The following KAZN variants were observed in gnomAD, a reference collection of about 807,000 sequenced individuals.
KAZN encodes kazrin.
In KAZN, 40 loss-of-function variants were observed where a neutral mutation model predicts 87.4. That is an observed-to-expected ratio of 0.46 (90% CI 0.36 to 0.60). KAZN has a LOEUF of 0.60. Ranked by LOEUF, KAZN falls within the 20% of genes least tolerant of loss-of-function variation. KAZN has a pLI of 0.00. For missense variants in KAZN, 898 were observed against 1,073.9 expected (o/e 0.84, Z 2.29); for synonymous variants, 466 against 458.3 (o/e 1.02, Z -0.22).
Position 14,103,569 on chromosome 1 carries a change from G to A in KAZN, c.92-76866G>A, listed in dbSNP as rs1570744979. 3.3e-5 allele frequency among the ~76,000 whole-genome samples: 5 copies of A among 152,256 alleles called. No individual in the cohort carries two copies. In the South Asian group the frequency reaches 1.0e-3, roughly 32 times the overall value. ...AGAGTCTGTTTTCTTGCCTTTTCCA[G>A]CCTCTAGTGATGCCCATCCTTATCT... On this transcript the variant is annotated intron_variant, in intron 1 of 16. Coordinates refer to the KAZN transcript ENST00000636203.
At chr1:14,178,997 C>A (rs868575476) in intron 1 of KAZN, among the ~76,000 whole-genome samples, 10 of 152,174 alleles carry the variant, frequency 6.6e-5, no homozygotes, top group African/African-American at 2.4e-4. Context: ...AATTCCTCCT[C>A]TTTGGCTGGT....
rs79818419 is a variant in KAZN at position 14,165,797 on chromosome 1, G to A, written c.92-14638G>A. Among the ~76,000 whole-genome samples the A allele has an allele frequency of 7.0e-3, 1,070 of 152,270 alleles. 8 individuals are homozygous for A. The highest frequency in any genetic ancestry group is 0.024 in the African/African-American group (979 of 41,556). On this transcript the variant is annotated intron_variant, in intron 1 of 16. Coordinates refer to the KAZN transcript ENST00000636203. ...GACTACAGTGTTCAAATAGCTTCAT[G>A]TCTTAGGGGCAAACTCTTTGACAGA...
chr1:14,669,896 C>G (rs57061856), intron 1 of KAZN, among the ~76,000 whole-genome samples: 1 of 98,482 alleles, frequency 1.0e-5, no homozygotes, highest in Non-Finnish European at 2.3e-5. Context: ...AACTGACCAA[C>G]TTTTCCTGGG....
intron 2 of KAZN, among the ~76,000 whole-genome samples, chr1:14,970,001 C>G (rs7527693): frequency 3.6e-4 from 55 of 151,734 alleles, no homozygotes; most frequent in African/African-American, 1.3e-3. Context: ...TTTAGTAGAG[C>G]TGGGGTTTCA....
At chr1:14,439,979 C>A (rs573406264) in intron 2 of KAZN, among the ~76,000 whole-genome samples, 1 of 152,294 alleles carries the variant, frequency 6.6e-6, no homozygotes, top group Non-Finnish European at 1.5e-5. Flanking sequence ...CCCATCTACT[C>A]CCAACCCCAC....
intron 1 of KAZN, among the ~76,000 whole-genome samples, chr1:14,170,308 G>A (rs1249000396): frequency 1.3e-5 from 2 of 152,088 alleles, no homozygotes; most frequent in Non-Finnish European, 2.9e-5. Context: ...CTAAGGGTTT[G>A]TTTCATTACC....
chr1:14,957,718 A>G (rs930907233), intron 1 of KAZN, among the ~76,000 whole-genome samples: 3 of 152,198 alleles, frequency 2.0e-5, no homozygotes, highest in African/African-American at 7.2e-5. Flanking sequence ...AGCTCTGCGG[A>G]GGCCCTGAGG....
In KAZN at chr1:14,949,050, G is replaced by A. The variant is rs775279297; in HGVS notation, c.227-11634G>A. Among the ~76,000 whole-genome samples, 3 of 151,894 alleles carry A rather than the reference G, an allele frequency of 2.0e-5. No individual in the cohort carries two copies. The highest frequency in any genetic ancestry group is 4.8e-5 in the African/African-American group (2 of 41,370). ...CACATGCCTGTAATCCCAGCTACTC[G>A]GGAAGCTGAGTCAGGGCACTTGAAC... On this transcript the variant is annotated intron_variant, in intron 1 of 14. Transcript: ENST00000376030. This position sits in a 1 kb window ranked among gnomAD's most constrained non-coding sequence, Gnocchi z 4.3.
At chr1:14,781,039 T>C (rs535642956) in intron 1 of KAZN, among the ~76,000 whole-genome samples, 1 of 151,930 alleles carries the variant, frequency 6.6e-6, no homozygotes, top group East Asian at 1.9e-4. Context: ...GGCAAGAAAC[T>C]TGGCCGGGCG....
chr1:14,954,032 T>C (rs1277751411), intron 1 of KAZN, among the ~76,000 whole-genome samples: 2 of 152,192 alleles, frequency 1.3e-5, no homozygotes, highest in Non-Finnish European at 2.9e-5. Context: ...CCAGCTCCCT[T>C]TGCCACCTGG....
intron 1 of KAZN, among the ~76,000 whole-genome samples, chr1:13,998,678 A>T (rs960468072): frequency 6.6e-6 from 1 of 152,206 alleles, no homozygotes; most frequent in Non-Finnish European, 1.5e-5. Flanking sequence ...TATTCTAAAT[A>T]TATATGCACC....
intron 2 of KAZN, 45 bp downstream of exon 2, chr1:14,960,920 C>T (rs1459502834): frequency 6.4e-7 from 1 of 1,563,670 alleles, no homozygotes; most frequent in Non-Finnish European, 8.7e-7. Context: ...GAGCTCAGGC[C>T]CCAGGGATCT....
rs66777636 is a variant in KAZN, at chr1:15,112,150, A to T, written c.2049-277A>T. ...GAGTTCAGATCTTGATTCTGCCGCT[A>T]ACAGCTGTGTCGTCTTGGGCAAATT... On this transcript the variant is annotated intron_variant, in intron 13 of 14. Transcript: ENST00000376030. 0.53 allele frequency: 262,605 copies of T among 493,106 alleles called. 71,885 individuals carry two copies. Among genetic ancestry groups the T allele is most frequent in the African/African-American group, 0.67 (34,892 of 51,806 alleles). 30.5% of individuals were successfully genotyped at this position (493,106 alleles called of 1,614,324 possible). A position where few individuals can be genotyped will look rare whatever the true frequency, so the allele number is the denominator to read the frequency against.
intron 1 of KAZN, among the ~76,000 whole-genome samples, chr1:14,724,376 G>A (rs555020602): frequency 3.3e-5 from 5 of 152,268 alleles, no homozygotes; most frequent in African/African-American, 4.8e-5. Context: ...ATGCGTCTGC[G>A]GGAGAGCTGG....
chr1:14,454,203 T>A (rs116730276), intron 2 of KAZN, among the ~76,000 whole-genome samples: 2,552 of 152,142 alleles, frequency 0.017, 30 homozygotes, highest in Non-Finnish European at 0.025. Context: ...AAGAGAGGGG[T>A]TTGATTGTTA....
chr1:14,934,804 C>T (rs1179733957), intron 1 of KAZN, among the ~76,000 whole-genome samples: 2 of 152,238 alleles, frequency 1.3e-5, no homozygotes, highest in East Asian at 1.9e-4. Flanking sequence ...TCCTGGCCTC[C>T]AGTCGCCCCC....
rs55641056 is a variant in KAZN, at chr1:14,920,276, G to GTTTTTT, written c.227-40393_227-40388dup. On this transcript the variant is annotated intron_variant, in intron 1 of 14. Transcript: ENST00000376030. ...TTTTTCTGTCTGCAGCCTCTTTTCT[G>GTTTTTT]TTTTTTTTTTTTTTTTTTTTGGGTG... Among the ~76,000 whole-genome samples, 53 of 94,140 alleles carry GTTTTTT rather than the reference G, an allele frequency of 5.6e-4. 1 individual carries two copies. The highest frequency in any genetic ancestry group is 1.5e-3 in the African/African-American group (36 of 24,634). 61.8% of individuals were successfully genotyped at this position (94,140 alleles called of 152,430 possible). A position where few individuals can be genotyped will look rare whatever the true frequency, so the allele number is the denominator to read the frequency against.
rs1160460837 is a variant in KAZN at position 14,727,471 on chromosome 1, T to C, written c.226+128248T>C. On this transcript the variant is annotated intron_variant, in intron 1 of 14. Transcript: ENST00000376030. ...CTTTCTTTTTTTTTTTTTTTTTTTT[T>C]TTTTTTTTTTTTTTTTTTTTTTTTT... is the stretch of plus-strand genomic sequence containing the variant. 3.7e-4 allele frequency among the ~76,000 whole-genome samples: 31 copies of C among 82,724 alleles called. 1 individual carries two copies. The highest frequency in any genetic ancestry group is 5.2e-3 in the Middle Eastern group (1 of 192). The allele number at this position is 82,724 out of a possible 152,430, so 54.3% of individuals were successfully genotyped here. A position where few individuals can be genotyped will look rare whatever the true frequency, so the allele number is the denominator to read the frequency against.
chr1:14,878,251 C>T (rs1652979210), intron 1 of KAZN, among the ~76,000 whole-genome samples: 1 of 152,116 alleles, frequency 6.6e-6, no homozygotes, highest in Non-Finnish European at 1.5e-5. Context: ...AGGACCAGAA[C>T]AGGGCTTCTC....
Sources: gnomAD v4.1 joint callset for allele counts (sites outside exome capture counted in the v4.1 genomes callset) on GRCh38, gnomAD v4.1.1 for gene constraint, Gnocchi (gnomAD v3.1) non-coding constraint, MANE v1.5 for transcripts, NCBI Gene and HGNC (gene_info 2026-07-23, HGNC 2026-07-21) for gene names.